Variants in CDH20 observed in about 807,000 individuals in gnomAD.
CDH20 encodes the protein cadherin-20.
Under a neutral mutation model 74.2 loss-of-function variants are expected in CDH20, and 29 were observed. That is an observed-to-expected ratio of 0.39 (90% CI 0.29 to 0.53). The LOEUF is 0.53. CDH20 is among the 20% of genes least tolerant of loss of function. The probability of loss-of-function intolerance (pLI) is 0.69; values close to 1 mark genes in which losing one functional copy is unlikely to be tolerated. For synonymous variants in CDH20, 469 were observed against 405.4 expected, an observed-to-expected ratio of 1.16 and a Z score of -1.88; for missense variants, 988 against 1,048.3, an observed-to-expected ratio of 0.94 and a Z score of 0.79.
chr18:61,340,226 C>CTTTTTTTTTTCTTTTTTTTTTTTT (rs59628153), intron 1 of CDH20, among the ~76,000 whole-genome samples: 1 of 119,738 alleles, frequency 8.4e-6, no homozygotes. Flanking sequence ...CTTCAGCCTT[C>CTTTTTTTTTTCTTTTTTTTTTTTT]TTTTTTTTTT....
At chr18:61,352,196 C>A (rs1335028187) in intron 1 of CDH20, among the ~76,000 whole-genome samples, 1 of 152,154 alleles carries the variant, frequency 6.6e-6, no homozygotes, top group Non-Finnish European at 1.5e-5. Flanking sequence ...GATAAACAGG[C>A]CTCTGTCTCC....
In CDH20 at chr18:61,430,527, C is replaced by T. The variant is rs537551728; in HGVS notation, c.-152-59875C>T. Among the ~76,000 whole-genome samples, 25 of 152,290 alleles carry T rather than the reference C, an allele frequency of 1.6e-4. No individual in the cohort carries two copies. The South Asian group carries it at 5.0e-3, about 30-fold the overall frequency. On this transcript the variant is annotated intron_variant, in intron 1 of 11. Coordinates refer to ENST00000262717, the MANE Select transcript of CDH20 (RefSeq NM_031891.4). ...TGGAAGGAAGTTACTCTGAAGCCCA[C>T]ATTTAAGGACTTGGAAGCTATGCTC...
chr18:61,410,755 C>T (rs965870319), intron 1 of CDH20, among the ~76,000 whole-genome samples: 1 of 152,150 alleles, frequency 6.6e-6, no homozygotes, highest in African/African-American at 2.4e-5. Flanking sequence ...AAACAAATTT[C>T]AAATAGATTA....
intron 7 of CDH20, among the ~76,000 whole-genome samples, chr18:61,530,291 G>A (rs1912595285): frequency 6.6e-6 from 1 of 152,164 alleles, no homozygotes; most frequent in South Asian, 2.1e-4. Context: ...AAAACTCAAT[G>A]AACTCCCTGG....
At chr18:61,411,660 A>G (rs1426851035) in intron 1 of CDH20, among the ~76,000 whole-genome samples, 3 of 140,874 alleles carry the variant, frequency 2.1e-5, no homozygotes, top group African/African-American at 7.8e-5. Context: ...CACACACGCT[A>G]TGGAACACAA....
intron 2 of CDH20, among the ~76,000 whole-genome samples, chr18:61,491,976 T>A (rs1253735227): frequency 1.3e-5 from 2 of 152,090 alleles, no homozygotes; most frequent in Non-Finnish European, 2.9e-5. Context: ...CTCCACACAC[T>A]CATTCCCTGG....
intron 1 of CDH20, among the ~76,000 whole-genome samples, chr18:61,394,978 C>T (rs923888228): frequency 4.6e-5 from 7 of 151,984 alleles, no homozygotes; most frequent in Non-Finnish European, 1.0e-4. Context: ...TAGAAGAAAC[C>T]ACTGTCTAGA....
intron 1 of CDH20, among the ~76,000 whole-genome samples, chr18:61,472,717 A>G (rs916167153): frequency 6.6e-6 from 1 of 152,224 alleles, no homozygotes; most frequent in African/African-American, 2.4e-5. Context: ...TAATCATTTT[A>G]AATTATTATT....
intron 7 of CDH20, among the ~76,000 whole-genome samples, chr18:61,536,025 T>C (rs1328494678): frequency 6.6e-6 from 1 of 152,204 alleles, no homozygotes; most frequent in Non-Finnish European, 1.5e-5. Context: ...GGTACAAGGC[T>C]TCTTTTCTCA....
chr18:61,475,454 T>G (rs1193793830), intron 1 of CDH20, among the ~76,000 whole-genome samples: 1 of 152,228 alleles, frequency 6.6e-6, no homozygotes, highest in African/African-American at 2.4e-5. Flanking sequence ...CTTACATTGT[T>G]CAATGAGTAT....
intron 1 of CDH20, among the ~76,000 whole-genome samples, chr18:61,486,688 G>A (rs9941435): frequency 0.039 from 6,000 of 152,148 alleles, 385 homozygotes; most frequent in African/African-American, 0.13. Context: ...GATAGCTTAA[G>A]AAGTTTGGCT....
At chr18:61,499,653 G>A (rs1397325574) in intron 3 of CDH20, among the ~76,000 whole-genome samples, 173 bp downstream of exon 3, 2 of 152,140 alleles carry the variant, frequency 1.3e-5, no homozygotes, top group African/African-American at 4.8e-5. Flanking sequence ...CAAGCCCTTT[G>A]GCTGGCAGGA....
intron 1 of CDH20, among the ~76,000 whole-genome samples, chr18:61,334,044 G>A (rs753909963): frequency 1.4e-4 from 21 of 152,296 alleles, no homozygotes; most frequent in Non-Finnish European, 2.8e-4. Flanking sequence ...TGGGCTGCCG[G>A]GACTGGGGGA....
At chr18:61,490,305 A>G (rs1910908465) in intron 1 of CDH20, 97 bp from the exon 2 acceptor site, 2 of 439,668 alleles carry the variant, frequency 4.5e-6, no homozygotes, top group Non-Finnish European at 8.3e-6. Flanking sequence ...CTCATTGAGT[A>G]GAAAGTTGAA....
chr18:61,539,166 T>C (rs1599156492), intron 9 of CDH20, 21 bp downstream of exon 9: 13 of 1,612,616 alleles, frequency 8.1e-6, no homozygotes, highest in Non-Finnish European at 1.0e-5. Flanking sequence ...CTGTGGGTGG[T>C]GCACTCTGCT....
Position 61,503,074 on chromosome 18 carries a change from C to T in CDH20, c.783C>T (p.Asn261=), listed in dbSNP as rs138868538. The T allele has an allele frequency of 7.4e-5, 120 of 1,613,408 alleles. No individual in the cohort carries two copies. The African/African-American group carries it at 1.5e-3, about 20-fold the overall frequency. The change falls in exon 5 of 12, where the codon AAC becomes AAT. Residue 261 remains asparagine, a synonymous_variant. Coordinates refer to ENST00000262717, the MANE Select transcript of CDH20 (RefSeq NM_031891.4). ...GATTAGCTGGGACCACAACAGTCAACATCACCCTCTCAGATGTCAATGATA... is the reference window on the plus strand; with the variant it reads ...GATTAGCTGGGACCACAACAGTCAATATCACCCTCTCAGATGTCAATGATA... ...LGGLAGTTTV[N]ITLSDVNDNP...
At chr18:61,542,254 T>C (rs1913067037) in intron 9 of CDH20, among the ~76,000 whole-genome samples, 1 of 152,136 alleles carries the variant, frequency 6.6e-6, no homozygotes, top group Non-Finnish European at 1.5e-5. Flanking sequence ...GCAGCACTGA[T>C]ACTAGGATTG....
intron 1 of CDH20, among the ~76,000 whole-genome samples, chr18:61,442,441 A>G (rs563800438): frequency 3.2e-4 from 49 of 151,924 alleles, no homozygotes; most frequent in African/African-American, 1.1e-3. Flanking sequence ...TTAGAACATC[A>G]CAGTGGTTTT....
chr18:61,354,638 T>A (rs1053480657), intron 1 of CDH20, among the ~76,000 whole-genome samples: 6 of 102,274 alleles, frequency 5.9e-5, no homozygotes, highest in Non-Finnish European at 1.3e-4. Context: ...AACCCCTAGG[T>A]TTTTTTTCAA....
Sources: gnomAD v4.1 joint callset for allele counts (sites outside exome capture counted in the v4.1 genomes callset) on GRCh38, gnomAD v4.1.1 for gene constraint, MANE v1.5 for transcripts, NCBI Gene and HGNC (gene_info 2026-07-23, HGNC 2026-07-21) for gene names.